The following LMNB1 variants were observed in gnomAD, a reference collection of about 807,000 sequenced individuals.
The protein encoded by LMNB1 is lamin B1, also known as lamin-B1.
LMNB1 carries 23 observed loss-of-function variants against 67.1 expected under a neutral mutation model. The observed-to-expected ratio is 0.34, with a 90% confidence interval of 0.25 to 0.49. The LOEUF (loss-of-function observed/expected upper bound fraction) is 0.49. LMNB1 is among the 20% of genes least tolerant of loss of function. The pLI is 0.99. For synonymous variants in LMNB1, 281 were observed against 282.9 expected (o/e 0.99, Z 0.07); for missense variants, 634 against 746.5 (o/e 0.85, Z 1.76).
intron 1 of LMNB1, among the ~76,000 whole-genome samples, chr5:126,793,291 C>G (rs1751011787): frequency 6.6e-6 from 1 of 151,950 alleles, no homozygotes; most frequent in African/African-American, 2.4e-5. Context: ...CGAGTCTGCT[C>G]CATACTCCTG....
At chr5:126,819,227 A>T (rs1751800946) in intron 6 of LMNB1, 85 bp downstream of exon 6, 3 of 871,522 alleles carry the variant, frequency 3.4e-6, no homozygotes, top group South Asian at 1.7e-5. Context: ...ATAGCATTTT[A>T]AAAAGAACTT....
chr5:126,778,363 C>T (rs986898941), intron 1 of LMNB1, among the ~76,000 whole-genome samples: 4 of 152,182 alleles, frequency 2.6e-5, no homozygotes, highest in African/African-American at 9.6e-5. Flanking sequence ...GAATGAGCTT[C>T]GCGCGGGCAG....
intron 9 of LMNB1, among the ~76,000 whole-genome samples, chr5:126,826,446 AG>A (rs1192562773): frequency 6.6e-6 from 1 of 152,238 alleles, no homozygotes; most frequent in Non-Finnish European, 1.5e-5. Flanking sequence ...GCTAATAATA[AG>A]AATGAGACAG....
At chr5:126,793,632 T>C (rs1751019136) in intron 1 of LMNB1, among the ~76,000 whole-genome samples, 1 of 152,128 alleles carries the variant, frequency 6.6e-6, no homozygotes, top group African/African-American at 2.4e-5. Context: ...CCCAGCACTT[T>C]GGGAGGCCGA....
chr5:126,815,677 G>C (rs1379079431), intron 5 of LMNB1, among the ~76,000 whole-genome samples: 1 of 152,118 alleles, frequency 6.6e-6, no homozygotes, highest in Non-Finnish European at 1.5e-5. Context: ...GTGGAAACTG[G>C]TTTAGTGAGA....
chr5:126,787,039 G>A (rs185197473), intron 1 of LMNB1, among the ~76,000 whole-genome samples: 1 of 152,128 alleles, frequency 6.6e-6, no homozygotes, highest in Admixed American at 6.5e-5. Flanking sequence ...ACATTTTTGT[G>A]GAACAGGTAC....
chr5:126,800,951 C>CTATA (rs57113826), intron 1 of LMNB1, among the ~76,000 whole-genome samples: 1,033 of 47,192 alleles, frequency 0.022, 42 homozygotes, highest in Admixed American at 0.046. Context: ...TGCAGCCAGA[C>CTATA]TATATATATA....
intron 1 of LMNB1, among the ~76,000 whole-genome samples, chr5:126,779,028 C>T (rs1363715003): frequency 1.3e-5 from 2 of 152,168 alleles, no homozygotes; most frequent in Non-Finnish European, 2.9e-5. Flanking sequence ...GTCTGAAATT[C>T]ATGGTCGCCA....
At chr5:126,814,949 T>C in intron 5 of LMNB1, among the ~76,000 whole-genome samples, 1 of 152,200 alleles carries the variant, frequency 6.6e-6, no homozygotes, top group Admixed American at 6.5e-5. Context: ...TTCCAGGAGC[T>C]AACTCCTTAG....
chr5:126,821,092 ATGT>A lies in LMNB1; in HGVS notation c.1346_1348del (p.Val449del), dbSNP rs752126261. On this transcript the variant is annotated inframe_deletion, in exon 7 of 11. Transcript: ENST00000261366. ...GGAAATGTTTGCATCGAAGAAATTGATGTTGATGGGAAATTTATCCGCTTGAAG... is the reference window on the plus strand; with the variant it reads ...GGAAATGTTTGCATCGAAGAAATTGATGATGGGAAATTTATCCGCTTGAAG... 4.3e-6 allele frequency: 7 copies of A among 1,613,898 alleles called. No homozygotes were observed. The highest frequency in any genetic ancestry group is 5.9e-6 in the Non-Finnish European group (7 of 1,179,930).
chr5:126,789,681 AT>A (rs200870568), intron 1 of LMNB1, among the ~76,000 whole-genome samples: 3 of 149,918 alleles, frequency 2.0e-5, no homozygotes, highest in Non-Finnish European at 3.0e-5. Context: ...TTTCCTTTGA[AT>A]TTTTTTTTTG....
chr5:126,807,922 A>C (rs1191070116), intron 3 of LMNB1, among the ~76,000 whole-genome samples: 2 of 150,372 alleles, frequency 1.3e-5, no homozygotes, highest in Non-Finnish European at 3.0e-5. Context: ...CCCAGGCTGG[A>C]GTGCAGTAGT....
chr5:126,818,239 C>CT (rs376846973), intron 5 of LMNB1, among the ~76,000 whole-genome samples: 65,732 of 134,154 alleles, frequency 0.49, 16,252 homozygotes, highest in Middle Eastern at 0.56. Context: ...GTGTTTATAT[C>CT]TTTTTTTTTT....
intron 1 of LMNB1, among the ~76,000 whole-genome samples, chr5:126,782,954 C>T (rs374334645): frequency 6.6e-6 from 1 of 151,658 alleles, no homozygotes; most frequent in Non-Finnish European, 1.5e-5. Flanking sequence ...GTAATCCTAG[C>T]ACTTTGGGAG....
chr5:126,819,791 T>A lies in LMNB1; in HGVS notation c.1160+649T>A, dbSNP rs1751815076. 5.3e-5 allele frequency among the ~76,000 whole-genome samples: 8 copies of A among 152,186 alleles called. No individual in the cohort carries two copies. The South Asian group carries it at 1.7e-3, about 32-fold the overall frequency. ...GTGTGAGCCACCACGCCCGGCTGGC[T>A]TTATATATATTTTAAATCTGGTCAA... On this transcript the variant is annotated intron_variant, in intron 6 of 10. Coordinates refer to ENST00000261366, the MANE Select transcript of LMNB1 (RefSeq NM_005573.4).
chr5:126,819,193 C>G (rs373589192), intron 6 of LMNB1, 51 bp downstream of exon 6: 2 of 1,252,442 alleles, frequency 1.6e-6, no homozygotes, highest in Non-Finnish European at 2.3e-6. Flanking sequence ...TTGCCTCTCA[C>G]CCTTTTTATT....
intron 8 of LMNB1, among the ~76,000 whole-genome samples, chr5:126,824,929 C>G (rs999340258): frequency 7.3e-6 from 1 of 137,378 alleles, no homozygotes; most frequent in Non-Finnish European, 1.5e-5. Flanking sequence ...CTCAAGTGAT[C>G]TGCCCGCCTC....
chr5:126,810,421 C>A, intron 4 of LMNB1, 71 bp downstream of exon 4: 2 of 1,152,114 alleles, frequency 1.7e-6, no homozygotes, highest in Admixed American at 2.3e-5. Flanking sequence ...ATGAACATGG[C>A]TTTATGTTTA....
chr5:126,799,762 G>T (rs923221237), intron 1 of LMNB1, among the ~76,000 whole-genome samples: 4 of 152,152 alleles, frequency 2.6e-5, no homozygotes, highest in African/African-American at 9.7e-5. Flanking sequence ...GCACCGTCTC[G>T]AAACTCTCCT....
Sources: allele counts gnomAD v4.1 joint callset (sites outside exome capture counted in the v4.1 genomes callset), GRCh38; gene constraint gnomAD v4.1.1; transcripts MANE v1.5; gene names NCBI Gene and HGNC (gene_info 2026-07-23, HGNC 2026-07-21).